EXOC7: variants seen among roughly 807,000 people sequenced by gnomAD.
The protein encoded by EXOC7 is exocyst complex component Exo70.
A neutral mutation model predicts 87.6 loss-of-function variants in EXOC7; 51 were observed. The observed-to-expected ratio is 0.58, with a 90% CI of 0.46 to 0.73. The LOEUF (loss-of-function observed/expected upper bound fraction) is 0.73. Ranked by LOEUF, EXOC7 falls within the 30% of genes least tolerant of loss-of-function variation. The pLI, the probability that EXOC7 is intolerant of heterozygous loss-of-function variation, is 0.00. For synonymous variants in EXOC7, 327 were observed against 357.1 expected, an observed-to-expected ratio of 0.92 and a Z score of 0.95; for missense variants, 744 against 888.4, an observed-to-expected ratio of 0.84 and a Z score of 2.07.
At chr17:76,087,853 C>T in intron 11 of EXOC7, 133 bp from the exon 12 acceptor site, 2 of 1,043,952 alleles carry the variant, frequency 1.9e-6, no homozygotes, top group South Asian at 2.8e-5. Flanking sequence ...CTGGAAACTT[C>T]ATTTTCACTC....
intron 15 of EXOC7, 88 bp from the exon 16 acceptor site, chr17:76,084,668 TTGGTGGG>T: frequency 4.2e-6 from 5 of 1,202,428 alleles, no homozygotes; most frequent in Non-Finnish European, 6.0e-6. Flanking sequence ...CTGGATCTAC[TTGGTGGG>T]TGGTGGTAGG....
In EXOC7 at chr17:76,089,279, G is replaced by A. The variant is rs199663907; in HGVS notation, c.943C>T (p.His315Tyr). ...MLDVETDAYI[H>Y]CVSAFVKLAQ... ...AGCTTGACGAAGGCACTGACGCAGTGGATGTAGGCATCGGTCTCCACGTCC... is the reference window on the plus strand; with the variant it reads ...AGCTTGACGAAGGCACTGACGCAGTAGATGTAGGCATCGGTCTCCACGTCC... The change falls in exon 8 of 19, where the codon CAC becomes TAC. Residue 315 changes from histidine to tyrosine, a missense_variant. His to Tyr is a moderately conservative substitution (Grantham distance 83). This residue lies in a region of EXOC7 where 512 missense variants were observed against 573.0 expected (regional missense o/e 0.89). Coordinates refer to ENST00000589210, the MANE Select transcript of EXOC7 (RefSeq NM_001013839.4). 2 of 1,614,148 alleles carry A rather than the reference G, an allele frequency of 1.2e-6. No individual in the cohort carries two copies. The highest frequency in any genetic ancestry group is 4.5e-5 in the East Asian group (2 of 44,892).
rs150266213 is a variant in EXOC7, at chr17:76,097,904, C to T, written c.532G>A (p.Asp178Asn). The T allele has an allele frequency of 3.7e-5, 60 of 1,613,842 alleles. No individual in the cohort carries two copies. The highest frequency in any genetic ancestry group is 8.0e-5 in the African/African-American group (6 of 74,868). ...VLILDLISGDDDLEAQEDVTL... is the reference protein window; with the variant it reads ...VLILDLISGDNDLEAQEDVTL... ...ACGTCCTCCTGGGCCTCCAGATCAT[C>T]GTCACCACTGATCAGATCCAAGATG... is the stretch of plus-strand genomic sequence containing the variant. Residue 178 changes from aspartate to asparagine, a missense_variant, in exon 5 of 19, where the codon GAT becomes AAT. Physicochemically the swap from Asp to Asn is conservative, Grantham distance 23 (BLOSUM62 1). Transcript: ENST00000589210.
At chr17:76,098,705 C>CA (rs56057342) in intron 4 of EXOC7, among the ~76,000 whole-genome samples, 15 of 147,108 alleles carry the variant, frequency 1.0e-4, no homozygotes, top group East Asian at 8.2e-4. Flanking sequence ...ACTAAAAATA[C>CA]AAAAAAAAAA....
At position 76,085,477 on chromosome 17, in the gene EXOC7, A is replaced by T. The variant is rs541744837; in HGVS notation, c.1617-68T>A. 50 of 1,535,748 alleles carry T rather than the reference A, an allele frequency of 3.3e-5. 1 individual carries two copies. In the South Asian group the frequency reaches 5.5e-4, roughly 17 times the overall value. ...CTCCTCAGGCCCAAAGGCTGCGGCA[A>T]TGCCGGGAGGGCCTCCCATTGCACC... On this transcript the variant is annotated intron_variant, in intron 14 of 18. Coordinates refer to ENST00000589210, the MANE Select transcript of EXOC7 (RefSeq NM_001013839.4).
rs753438847 is a variant in EXOC7 at position 76,081,770 on chromosome 17, C to T, written c.*1878G>A. ...CCCACTGCTCAGTAAGCCCTGCTCC[C>T]TTACCCAGTCTGCCCTGTTTCTCCC... On this transcript the variant is annotated 3_prime_UTR_variant, in exon 19 of 19. Transcript: ENST00000589210. 3.1e-6 allele frequency: 5 copies of T among 1,613,916 alleles called. No individual in the cohort carries two copies. The African/African-American group carries it at 5.3e-5, about 17-fold the overall frequency.
At chr17:76,102,013 T>C in intron 2 of EXOC7, 150 bp from the exon 3 acceptor site, 1 of 597,418 alleles carries the variant, frequency 1.7e-6, no homozygotes. Flanking sequence ...TTCCCCACTG[T>C]ATCTTCAGCA....
At chr17:76,085,624 G>C in intron 14 of EXOC7, 53 bp downstream of exon 14, 2 of 1,612,746 alleles carry the variant, frequency 1.2e-6, no homozygotes, top group South Asian at 1.1e-5. Context: ...TGGCACAGCT[G>C]CACAGCCGAG....
intron 2 of EXOC7, among the ~76,000 whole-genome samples, chr17:76,102,198 C>G (rs755678260): frequency 6.6e-6 from 1 of 152,158 alleles, no homozygotes; most frequent in South Asian, 2.1e-4. Flanking sequence ...ATTCCTAAAC[C>G]GGACTGGAAG....
At position 76,081,564 on chromosome 17, in the gene EXOC7, C is replaced by A; in HGVS notation, c.*2084G>T. The A allele has an allele frequency of 1.2e-6, 2 of 1,613,696 alleles. No homozygotes were observed. The highest frequency in any genetic ancestry group is 4.5e-5 in the East Asian group (2 of 44,878). On this transcript the variant is annotated 3_prime_UTR_variant, in exon 19 of 19. Transcript: ENST00000589210. Reference sequence around the variant, plus strand: ...TTCCAGCTGAGGCTGAAGAACACGGCGCTCAAGTCCATCATCGCTCTCTTG... The same window carrying A: ...TTCCAGCTGAGGCTGAAGAACACGGAGCTCAAGTCCATCATCGCTCTCTTG...
chr17:76,097,421 G>A (rs1231021294), intron 5 of EXOC7, among the ~76,000 whole-genome samples: 1 of 151,810 alleles, frequency 6.6e-6, no homozygotes, highest in Non-Finnish European at 1.5e-5. Context: ...AGAATAAAGG[G>A]GGCCAGGCAT....
chr17:76,082,262 C>A lies in EXOC7; in HGVS notation c.*1386G>T. On this transcript the variant is annotated 3_prime_UTR_variant, in exon 19 of 19. Transcript: ENST00000589210. ...CCTGAAGTCCCAGGTGACCTCAATCCCCTGATAACCCATGCCTTGCACAGC... is the reference window on the plus strand; with the variant it reads ...CCTGAAGTCCCAGGTGACCTCAATCACCTGATAACCCATGCCTTGCACAGC... 1 of 770,462 alleles carries A rather than the reference C, an allele frequency of 1.3e-6. No individual in the cohort carries two copies. Among genetic ancestry groups the A allele is most frequent in the Non-Finnish European group, 2.0e-6 (1 of 495,112 alleles). 47.7% of individuals were successfully genotyped at this position (770,462 alleles called of 1,614,324 possible).
At chr17:76,087,959 G>A in intron 11 of EXOC7, 101 bp downstream of exon 11, 1 of 1,391,180 alleles carries the variant, frequency 7.2e-7, no homozygotes. Context: ...GAGCGGCTCT[G>A]GGCCAGGCTG....
chr17:76,102,417 GACAC>G (rs3073225), intron 2 of EXOC7, among the ~76,000 whole-genome samples: 50,876 of 143,726 alleles, frequency 0.35, 9,327 homozygotes, highest in Admixed American at 0.46. Flanking sequence ...TACACACACA[GACAC>G]ACACACACAC....
intron 12 of EXOC7, chr17:76,086,787 T>TC: frequency 7.0e-7 from 1 of 1,428,534 alleles, no homozygotes. Flanking sequence ...TGAGAGTCAG[T>TC]CCCCAGGGAA....
At chr17:76,086,360 G>GGAGCTGGCCCATGTCAGCAGAA (rs2067212123) in intron 12 of EXOC7, among the ~76,000 whole-genome samples, 1 of 152,242 alleles carries the variant, frequency 6.6e-6, no homozygotes, top group Non-Finnish European at 1.5e-5. Flanking sequence ...ATGATGGGAT[G>GGAGCTGGCCCATGTCAGCAGAA]GAGCTGGCCC....
chr17:76,085,133 T>C (rs960330474), intron 15 of EXOC7, 181 bp downstream of exon 15: 10 of 611,154 alleles, frequency 1.6e-5, no homozygotes, highest in African/African-American at 1.5e-4. Context: ...TAGGAGCAGG[T>C]AGTGGTAGAG....
intron 4 of EXOC7, 109 bp downstream of exon 4, chr17:76,101,162 T>A (rs761529728): frequency 1.8e-5 from 29 of 1,587,008 alleles, no homozygotes; most frequent in Non-Finnish European, 1.9e-5. Context: ...TGCTATATCC[T>A]TCTGTGTATT....
Position 76,083,513 on chromosome 17 carries a change from C to A in EXOC7, c.*135G>T. ...GCCAGGACTAGGGGGCTCAGGGACA[C>A]AGCTCCCGGAGGCGTGGAGACAGGT... On this transcript the variant is annotated 3_prime_UTR_variant, in exon 19 of 19. Transcript: ENST00000589210. 2.5e-6 allele frequency: 2 copies of A among 810,374 alleles called. No homozygotes were observed. Among genetic ancestry groups the A allele is most frequent in the Non-Finnish European group, 2.1e-6 (1 of 484,838 alleles). 50.2% of individuals were successfully genotyped at this position (810,374 alleles called of 1,614,324 possible).
Sources: gnomAD v4.1 joint callset for allele counts (sites outside exome capture counted in the v4.1 genomes callset) on GRCh38, gnomAD v4.1.1 for gene constraint, gnomAD v4.1.1 regional missense constraint, MANE v1.5 for transcripts, NCBI Gene and HGNC (gene_info 2026-07-23, HGNC 2026-07-21) for gene names.